The following KIAA0586 variants were observed in gnomAD, a reference collection of about 807,000 sequenced individuals.
KIAA0586 encodes KIAA0586, also known as protein TALPID3.
KIAA0586 carries 144 observed loss-of-function variants against 169.8 expected under a neutral mutation model. The observed-to-expected ratio is 0.85, with a 90% CI of 0.74 to 0.97. The LOEUF is 0.97. Among genes scored for constraint, KIAA0586 ranks in the 50% least tolerant of loss-of-function variants. The pLI is 0.00. For missense variants in KIAA0586, 1,854 were observed against 1,823.0 expected, an observed-to-expected ratio of 1.02 and a Z score of -0.31; for synonymous variants, 625 against 612.4, an observed-to-expected ratio of 1.02 and a Z score of -0.30.
At chr14:58,530,499 G>A (rs985690479) in intron 29 of KIAA0586, among the ~76,000 whole-genome samples, 6 of 152,140 alleles carry the variant, frequency 3.9e-5, no homozygotes, top group African/African-American at 9.7e-5. Flanking sequence ...CAGATATATA[G>A]ACCAATGGAA....
chr14:58,462,109 G>T (rs953328565), intron 14 of KIAA0586, among the ~76,000 whole-genome samples: 8 of 152,122 alleles, frequency 5.3e-5, no homozygotes, highest in Admixed American at 1.3e-4. Flanking sequence ...GCTTTCTAAA[G>T]GTTATGCAAT....
Position 58,467,894 on chromosome 14 carries a change from A to G in KIAA0586, c.2414A>G (p.Lys805Arg). ...GCCATTGTAGAAATGAAGTCAGAAA[A>G]AAAGGATCCTCCTCAGCTTACTGTG... ...NIAIVEMKSE[K>R]KDPPQLTVQV... Residue 805 changes from lysine (K) to arginine (R), a missense_variant, in exon 16 of 31, where the codon AAA (lysine) becomes AGA (arginine). Transcript: ENST00000652326. 1 of 1,613,594 alleles carries G rather than the reference A, an allele frequency of 6.2e-7. No individual in the cohort carries two copies. Among genetic ancestry groups the G allele is most frequent in the South Asian group, 1.1e-5 (1 of 91,014 alleles).
At chr14:58,445,006 G>A (rs1271872328) in intron 6 of KIAA0586, among the ~76,000 whole-genome samples, 2 of 149,308 alleles carry the variant, frequency 1.3e-5, no homozygotes, top group Non-Finnish European at 3.0e-5. Context: ...GACTGCCGGA[G>A]ACCTTGAGTC....
At chr14:58,518,989 G>A (rs533215919) in intron 29 of KIAA0586, among the ~76,000 whole-genome samples, 18 of 152,214 alleles carry the variant, frequency 1.2e-4, no homozygotes, top group Non-Finnish European at 2.1e-4. Context: ...AAAATTAGCC[G>A]GACGTGGTGG....
intron 4 of KIAA0586, among the ~76,000 whole-genome samples, chr14:58,440,778 A>C (rs1275775019): frequency 3.9e-5 from 6 of 152,202 alleles, no homozygotes; most frequent in Non-Finnish European, 8.8e-5. Flanking sequence ...TCTCATTTAC[A>C]TGTGGAATCT....
intron 4 of KIAA0586, among the ~76,000 whole-genome samples, chr14:58,437,976 G>A (rs1171761605): frequency 6.6e-6 from 1 of 152,142 alleles, no homozygotes; most frequent in African/African-American, 2.4e-5. Flanking sequence ...GGGGTATGGT[G>A]TTAACAAAGC....
intron 29 of KIAA0586, among the ~76,000 whole-genome samples, chr14:58,538,005 G>T (rs1200693664): frequency 6.6e-6 from 1 of 152,064 alleles, no homozygotes; most frequent in Non-Finnish European, 1.5e-5. Flanking sequence ...CAGTTGAGCT[G>T]GGCATGGTGA....
At chr14:58,496,620 A>G (rs2043174926) in intron 26 of KIAA0586, among the ~76,000 whole-genome samples, 1 of 152,234 alleles carries the variant, frequency 6.6e-6, no homozygotes, top group Admixed American at 6.5e-5. Flanking sequence ...ATAGAGATGT[A>G]CATAGGAGAA....
chr14:58,436,308 C>T (rs957072972), intron 4 of KIAA0586, among the ~76,000 whole-genome samples: 3 of 150,422 alleles, frequency 2.0e-5, no homozygotes, highest in Admixed American at 6.6e-5. Flanking sequence ...GCATATTATT[C>T]AATAATAAAA....
At position 58,474,712 on chromosome 14, in the gene KIAA0586, G is replaced by A; in HGVS notation, c.2740G>A (p.Val914Ile). ...ATATAATGGTCCTCCATTTCCGCCAGTTGCTTCTACTTTTCAGCCCACTGC... is the reference window on the plus strand; with the variant it reads ...ATATAATGGTCCTCCATTTCCGCCAATTGCTTCTACTTTTCAGCCCACTGC... ...TKYNGPPFPP[V>I]ASTFQPTADI... Residue 914 changes from valine (V) to isoleucine (I), a missense_variant, in exon 19 of 31, where the codon GTT becomes ATT. Val to Ile is a conservative substitution (Grantham distance 29). Transcript: ENST00000652326. 1 of 1,613,458 alleles carries A rather than the reference G, an allele frequency of 6.2e-7. No homozygotes were observed. The highest frequency in any genetic ancestry group is 8.5e-7 in the Non-Finnish European group (1 of 1,179,636).
chr14:58,452,304 G>A (rs1375898953), intron 8 of KIAA0586, among the ~76,000 whole-genome samples: 1 of 152,062 alleles, frequency 6.6e-6, no homozygotes, highest in Non-Finnish European at 1.5e-5. Context: ...AAGAAAAATA[G>A]TATATTACAG....
intron 27 of KIAA0586, among the ~76,000 whole-genome samples, chr14:58,504,040 TC>T (rs1206873928): frequency 6.6e-6 from 1 of 152,198 alleles, no homozygotes; most frequent in African/African-American, 2.4e-5. Flanking sequence ...GCCTTAAGTT[TC>T]TGTCAGTTCT....
chr14:58,455,054 A>T (rs182342631), intron 9 of KIAA0586, among the ~76,000 whole-genome samples: 7 of 152,136 alleles, frequency 4.6e-5, no homozygotes, highest in Non-Finnish European at 1.5e-5. Context: ...TCCTTTCCTC[A>T]TAATCTCAAT....
rs142735275 is a variant in KIAA0586, at chr14:58,445,824, C to T, written c.807+1649C>T. On this transcript the variant is annotated intron_variant, in intron 6 of 30. Coordinates refer to ENST00000652326, the MANE Select transcript of KIAA0586 (RefSeq NM_001329943.3). ...TTTGAGTGAGTGAGGGAATGATCAG[C>T]ATTGTAAATGTGTTGGTTTTAATTT... is the stretch of plus-strand genomic sequence containing the variant. 2.9e-3 allele frequency among the ~76,000 whole-genome samples: 396 copies of T among 137,132 alleles called. 2 individuals carry two copies. The highest frequency in any genetic ancestry group is 0.01 in the African/African-American group (375 of 37,118). The allele number at this position is 137,132 out of a possible 152,430, so 90.0% of individuals were successfully genotyped here. A position where few individuals can be genotyped will look rare whatever the true frequency, so the allele number is the denominator to read the frequency against.
In KIAA0586 at chr14:58,537,083, T is replaced by G. The variant is rs183462979; in HGVS notation, c.4430-2988T>G. On this transcript the variant is annotated intron_variant, in intron 29 of 30. Transcript: ENST00000652326. ...TTTTCAAGTTGTGTTGACCTAGTTG[T>G]AGGCCGTGTTTGCTGTTTTAATCAT... 37 of 1,241,756 alleles carry G rather than the reference T, an allele frequency of 3.0e-5. No homozygotes were observed. The East Asian group carries it at 6.3e-4, about 21-fold the overall frequency. 76.9% of individuals were successfully genotyped at this position (1,241,756 alleles called of 1,614,324 possible). A position where few individuals can be genotyped will look rare whatever the true frequency, so the allele number is the denominator to read the frequency against.
At chr14:58,441,777 G>A in intron 4 of KIAA0586, 1 of 152,522 alleles carries the variant, frequency 6.6e-6, no homozygotes, top group Non-Finnish European at 1.5e-5. Context: ...GGGATTACAG[G>A]CATACACCAC....
At chr14:58,509,605 G>A (rs186004727) in intron 28 of KIAA0586, among the ~76,000 whole-genome samples, 4 of 151,958 alleles carry the variant, frequency 2.6e-5, no homozygotes, top group East Asian at 3.9e-4. Context: ...GACATGTTAC[G>A]GATGAAACCA....
intron 21 of KIAA0586, among the ~76,000 whole-genome samples, chr14:58,482,966 A>T (rs1319532648): frequency 6.6e-6 from 1 of 152,176 alleles, no homozygotes; most frequent in Non-Finnish European, 1.5e-5. Context: ...TGTTGCTATG[A>T]TTAAAGTAAC....
intron 29 of KIAA0586, among the ~76,000 whole-genome samples, chr14:58,513,600 A>C (rs1341659261): frequency 6.6e-6 from 1 of 151,348 alleles, no homozygotes; most frequent in Non-Finnish European, 1.5e-5. Context: ...TAACCTCACC[A>C]TAGTACGTTA....
Sources: allele counts gnomAD v4.1 joint callset (sites outside exome capture counted in the v4.1 genomes callset), GRCh38; gene constraint gnomAD v4.1.1; transcripts MANE v1.5; gene names NCBI Gene and HGNC (gene_info 2026-07-23, HGNC 2026-07-21).